Variants in UTS2B observed in about 807,000 individuals in gnomAD.
The protein encoded by UTS2B is urotensin 2B, also known as urotensin-2B.
Under a neutral mutation model 19.2 loss-of-function variants are expected in UTS2B, and 21 were observed. That is an observed-to-expected ratio of 1.09 (90% CI 0.78 to 1.58). UTS2B has a LOEUF of 1.58. UTS2B is among the 40% of genes most tolerant of loss of function. The pLI is 0.00. For synonymous variants in UTS2B, 57 were observed against 50.2 expected, an observed-to-expected ratio of 1.14 and a Z score of -0.58; for missense variants, 138 against 130.3, an observed-to-expected ratio of 1.06 and a Z score of -0.29.
At chr3:191,274,948 C>T (rs541630444) in intron 8 of UTS2B, among the ~76,000 whole-genome samples, 1 of 152,134 alleles carries the variant, frequency 6.6e-6, no homozygotes, top group Non-Finnish European at 1.5e-5. Context: ...TGGATTATTT[C>T]TATTTGTGGT....
the UTS2B span, among the ~76,000 whole-genome samples, chr3:191,343,110 A>G: frequency 3.2e-3 from 485 of 152,294 alleles, 3 homozygotes; most frequent in Non-Finnish European, 5.4e-3. Context: ...GACTTTTCAT[A>G]TACCTGAGTT....
the UTS2B span, among the ~76,000 whole-genome samples, chr3:191,336,041 A>T: frequency 6.6e-6 from 1 of 152,028 alleles, no homozygotes; most frequent in South Asian, 2.1e-4. Context: ...CTCCTCAAAC[A>T]TACTGTTTAT....
At chr3:191,281,431 C>T (rs1385249550) in intron 5 of UTS2B, among the ~76,000 whole-genome samples, 1 of 151,828 alleles carries the variant, frequency 6.6e-6, no homozygotes, top group Non-Finnish European at 1.5e-5. Flanking sequence ...AGAAGCACCA[C>T]AAATTTTAAA....
At chr3:191,326,355 G>C (rs1717745906) in intron 2 of UTS2B, among the ~76,000 whole-genome samples, 1 of 151,962 alleles carries the variant, frequency 6.6e-6, no homozygotes. Flanking sequence ...AGCTCTAACT[G>C]GGGGATGCTT....
intron 3 of UTS2B, among the ~76,000 whole-genome samples, chr3:191,306,608 G>A (rs1717147626): frequency 6.6e-6 from 1 of 152,162 alleles, no homozygotes; most frequent in Non-Finnish European, 1.5e-5. Context: ...CTATATTAAG[G>A]AGAGGAATGG....
chr3:191,330,296 AACACACACAC>A (rs3048670), intron 1 of UTS2B, 108 bp downstream of exon 1: 2,117 of 137,146 alleles, frequency 0.015, 35 homozygotes, highest in Middle Eastern at 0.093. Flanking sequence ...TTACAAACAA[AACACACACAC>A]ACACACACAC....
intron 1 of UTS2B, chr3:191,329,825 C>T (rs906792809): frequency 8.2e-6 from 10 of 1,216,862 alleles, no homozygotes; most frequent in Non-Finnish European, 1.2e-5. Flanking sequence ...GGCCCTCGCC[C>T]GGTGCCCGCC....
chr3:191,304,592 A>G (rs1209857660), intron 3 of UTS2B, 44 bp from the exon 4 acceptor site: 1 of 152,220 alleles, frequency 6.6e-6, no homozygotes, highest in Non-Finnish European at 1.5e-5. Context: ...ATGCTCTCGT[A>G]TCCTCTTTAA....
At chr3:191,306,292 T>C (rs991162980) in intron 3 of UTS2B, among the ~76,000 whole-genome samples, 5 of 152,222 alleles carry the variant, frequency 3.3e-5, no homozygotes, top group African/African-American at 1.2e-4. Flanking sequence ...GAAGACTACA[T>C]TGCTTCAAAG....
chr3:191,287,609 CA>C (rs1716592749), intron 4 of UTS2B, among the ~76,000 whole-genome samples: 1 of 151,916 alleles, frequency 6.6e-6, no homozygotes, highest in Non-Finnish European at 1.5e-5. Flanking sequence ...TGTACCTCGG[CA>C]CAATAAAGCC....
At chr3:191,322,863 C>T (rs74848321) in intron 2 of UTS2B, among the ~76,000 whole-genome samples, 8,995 of 152,202 alleles carry the variant, frequency 0.059, 364 homozygotes, top group African/African-American at 0.11. Flanking sequence ...CTCTTCTGAG[C>T]CCCTTGAGTG....
chr3:191,328,010 ATTATGTCC>A (rs1576940623), intron 2 of UTS2B, among the ~76,000 whole-genome samples: 2 of 152,218 alleles, frequency 1.3e-5, no homozygotes, highest in Non-Finnish European at 2.9e-5. Context: ...GGTCGAAAAT[ATTATGTCC>A]TATTTATGTA....
At chr3:191,336,722 A>C in the UTS2B span, among the ~76,000 whole-genome samples, 1 of 152,216 alleles carries the variant, frequency 6.6e-6, no homozygotes, top group African/African-American at 2.4e-5. Flanking sequence ...TATACAGACT[A>C]TGTACTCAGA....
chr3:191,281,993 T>G (rs559249625), intron 5 of UTS2B, 94 bp downstream of exon 5: 11 of 886,420 alleles, frequency 1.2e-5, no homozygotes, highest in Non-Finnish European at 2.0e-5. Context: ...CCTTAAAACA[T>G]TATTTCAACA....
intron 3 of UTS2B, among the ~76,000 whole-genome samples, chr3:191,306,462 C>A (rs1717144228): frequency 6.6e-6 from 1 of 152,316 alleles, no homozygotes; most frequent in South Asian, 2.1e-4. Flanking sequence ...TTAATCCCTC[C>A]TTCCCAAAAT....
At chr3:191,285,140 C>T (rs566598754) in intron 4 of UTS2B, among the ~76,000 whole-genome samples, 1 of 152,104 alleles carries the variant, frequency 6.6e-6, no homozygotes, top group African/African-American at 2.4e-5. Flanking sequence ...TTATAAGCTA[C>T]AATAATTTGC....
intron 4 of UTS2B, among the ~76,000 whole-genome samples, chr3:191,301,154 T>C (rs1349636083): frequency 2.0e-5 from 3 of 152,186 alleles, no homozygotes; most frequent in Non-Finnish European, 4.4e-5. Flanking sequence ...ATTTTAGCTG[T>C]CTTTCCGGGT....
At chr3:191,337,829 G>T in the UTS2B span, among the ~76,000 whole-genome samples, 5 of 147,432 alleles carry the variant, frequency 3.4e-5, no homozygotes, top group East Asian at 2.0e-4. Context: ...GTTTCCTTAC[G>T]TTTTTTTTTT....
chr3:191,279,448 A>T (rs902593573), intron 5 of UTS2B, among the ~76,000 whole-genome samples: 2 of 152,036 alleles, frequency 1.3e-5, no homozygotes, highest in African/African-American at 4.8e-5. Context: ...GTTTTCATTG[A>T]AAAAAGAAGG....
Sources: gnomAD v4.1 joint callset for allele counts (sites outside exome capture counted in the v4.1 genomes callset) on GRCh38, gnomAD v4.1.1 for gene constraint, MANE v1.5 for transcripts, NCBI Gene and HGNC (gene_info 2026-07-23, HGNC 2026-07-21) for gene names.